MORC1: variants seen among roughly 807,000 people sequenced by gnomAD.
The protein encoded by MORC1 is MORC family CW-type zinc finger protein 1.
In MORC1, 59 loss-of-function variants were observed where a neutral mutation model predicts 134.9. That is an observed-to-expected ratio of 0.44 (90% confidence interval 0.35 to 0.54). MORC1 has a LOEUF of 0.54. Among genes scored for constraint, MORC1 ranks in the 20% least tolerant of loss-of-function variants. The pLI is 0.00. For synonymous variants in MORC1, 395 were observed against 391.7 expected, an observed-to-expected ratio of 1.01 and a Z score of -0.10; for missense variants, 947 against 1,134.5, an observed-to-expected ratio of 0.83 and a Z score of 2.37.
intron 23 of MORC1, among the ~76,000 whole-genome samples, chr3:108,983,357 A>G (rs1458037673): frequency 6.6e-6 from 1 of 152,220 alleles, no homozygotes; most frequent in African/African-American, 2.4e-5. Context: ...AAAAATAGAG[A>G]AAATAAGCAA....
At position 109,035,523 on chromosome 3, in the gene MORC1, A is replaced by G. The variant is rs1416910133; in HGVS notation, c.1331-55T>C. On this transcript the variant is annotated intron_variant, in intron 14 of 27. Transcript: ENST00000232603. ...ACAAAAAAAAATCATTAAAATCAAA[A>G]CAATTGGCAAAGGGAAGTTTGTATA... 3 of 1,190,996 alleles carry G rather than the reference A, an allele frequency of 2.5e-6. No individual in the cohort carries two copies. In the African/African-American group the frequency reaches 4.7e-5, roughly 19 times the overall value. The allele number at this position is 1,190,996 out of a possible 1,614,324, so 73.8% of individuals were successfully genotyped here.
intron 3 of MORC1, among the ~76,000 whole-genome samples, chr3:109,105,550 A>G (rs1011994407): frequency 1.3e-5 from 2 of 151,746 alleles, no homozygotes; most frequent in Non-Finnish European, 2.9e-5. Flanking sequence ...ATGGTGGCAC[A>G]TGCCTCTAGA....
At chr3:109,005,018 G>A in intron 19 of MORC1, 52 bp downstream of exon 19, 1 of 1,581,094 alleles carries the variant, frequency 6.3e-7, no homozygotes, top group Admixed American at 1.8e-5. Context: ...TTGACTGAAT[G>A]CTATTTCCAG....
At chr3:109,046,596 C>G (rs969444488) in intron 14 of MORC1, among the ~76,000 whole-genome samples, 9 of 152,212 alleles carry the variant, frequency 5.9e-5, no homozygotes, top group African/African-American at 1.7e-4. Context: ...ATACATGAAG[C>G]CTACTGACTA....
chr3:108,996,490 T>C (rs1948232943), intron 21 of MORC1, among the ~76,000 whole-genome samples: 1 of 152,150 alleles, frequency 6.6e-6, no homozygotes, highest in Admixed American at 6.5e-5. Context: ...AGAGGCTATC[T>C]AGAGCATTTG....
chr3:109,114,463 A>G, intron 1 of MORC1, 26 bp from the exon 2 acceptor site: 1 of 1,601,040 alleles, frequency 6.2e-7, no homozygotes, highest in Non-Finnish European at 8.5e-7. Flanking sequence ...AGAGAAAACA[A>G]AAAGTTAAAC....
chr3:109,081,452 AC>A (rs1223297879), intron 8 of MORC1, among the ~76,000 whole-genome samples: 1 of 121,494 alleles, frequency 8.2e-6, no homozygotes, highest in African/African-American at 3.1e-5. Flanking sequence ...CAAGAATTAA[AC>A]TTTTTTTTTT....
intron 2 of MORC1, among the ~76,000 whole-genome samples, chr3:109,112,571 T>A (rs1214640774): frequency 6.6e-6 from 1 of 152,144 alleles, no homozygotes; most frequent in Non-Finnish European, 1.5e-5. Flanking sequence ...GGGGGAAAAC[T>A]GGAAATGAGG....
intron 23 of MORC1, among the ~76,000 whole-genome samples, chr3:108,981,826 C>T (rs6795039): frequency 0.19 from 28,990 of 152,074 alleles, 3,282 homozygotes; most frequent in Middle Eastern, 0.32. Flanking sequence ...TAGGCAATAC[C>T]ATTCAGGACA....
At chr3:109,009,424 TC>T (rs1279083420) in intron 17 of MORC1, among the ~76,000 whole-genome samples, 1 of 152,052 alleles carries the variant, frequency 6.6e-6, no homozygotes, top group African/African-American at 2.4e-5. Context: ...CAGGATGGTC[TC>T]CATCTCTTGA....
chr3:109,012,389 T>C (rs941423661), intron 17 of MORC1, among the ~76,000 whole-genome samples: 1 of 152,188 alleles, frequency 6.6e-6, no homozygotes, highest in Admixed American at 6.5e-5. Context: ...GATTCCTCCA[T>C]CTTTGTTCTT....
chr3:108,973,084 AATAG>A (rs1947438643), intron 24 of MORC1, among the ~76,000 whole-genome samples: 1 of 152,244 alleles, frequency 6.6e-6, no homozygotes, highest in Non-Finnish European at 1.5e-5. Context: ...TTAGACACAT[AATAG>A]ATATCTTTAA....
At chr3:108,969,560 A>G (rs1947316612) in intron 26 of MORC1, 109 bp downstream of exon 26, 1 of 1,101,960 alleles carries the variant, frequency 9.1e-7, no homozygotes, top group African/African-American at 1.6e-5. Flanking sequence ...CGATAAGTGA[A>G]TGCAAATTTG....
intron 6 of MORC1, among the ~76,000 whole-genome samples, chr3:109,097,243 G>A (rs1010812322): frequency 3.9e-5 from 6 of 152,180 alleles, no homozygotes; most frequent in African/African-American, 1.4e-4. Flanking sequence ...TAAATGGCTT[G>A]AGACTGCTCA....
intron 17 of MORC1, among the ~76,000 whole-genome samples, chr3:109,011,292 G>A (rs1215946804): frequency 6.6e-6 from 1 of 152,100 alleles, no homozygotes; most frequent in African/African-American, 2.4e-5. Context: ...ATTTTCAATG[G>A]TTGCTCTCTA....
At chr3:109,116,036 A>G (rs1951266696) in intron 1 of MORC1, among the ~76,000 whole-genome samples, 2 of 152,216 alleles carry the variant, frequency 1.3e-5, no homozygotes, top group African/African-American at 4.8e-5. Context: ...CGAAGCAGAA[A>G]AAGAGCTAAG....
chr3:109,031,243 C>T (rs1461764874), intron 16 of MORC1, among the ~76,000 whole-genome samples: 1 of 152,148 alleles, frequency 6.6e-6, no homozygotes, highest in Non-Finnish European at 1.5e-5. Flanking sequence ...GATCAAGGGC[C>T]TCTAGTGACC....
intron 3 of MORC1, among the ~76,000 whole-genome samples, chr3:109,108,878 C>T (rs1032315832): frequency 1.4e-5 from 2 of 144,130 alleles, no homozygotes; most frequent in Non-Finnish European, 3.0e-5. Context: ...CCAGCCTGGG[C>T]GACAGAGCGA....
intron 6 of MORC1, 126 bp downstream of exon 6, chr3:109,099,232 T>TC (rs1950881601): frequency 3.0e-6 from 2 of 660,598 alleles, no homozygotes; most frequent in Admixed American, 6.8e-5. Context: ...TCTCTCCATT[T>TC]CCCAAACATA....
Sources: allele counts gnomAD v4.1 joint callset (sites outside exome capture counted in the v4.1 genomes callset), GRCh38; gene constraint gnomAD v4.1.1; transcripts MANE v1.5; gene names NCBI Gene and HGNC (gene_info 2026-07-23, HGNC 2026-07-21).